Variants in LYPD6B observed in about 807,000 individuals in gnomAD.
LYPD6B encodes the protein ly6/PLAUR domain-containing protein 6B.
LYPD6B carries 17 observed loss-of-function variants against 22.8 expected under a neutral mutation model. That is an observed-to-expected ratio of 0.75 (90% CI 0.51 to 1.12). LYPD6B has a LOEUF of 1.12. Among genes scored for constraint, LYPD6B ranks in the 50% most tolerant of loss-of-function variants. LYPD6B has a pLI of 0.00. For missense variants in LYPD6B, 221 were observed against 258.3 expected, an observed-to-expected ratio of 0.86 and a Z score of 0.99; for synonymous variants, 106 against 91.6, an observed-to-expected ratio of 1.16 and a Z score of -0.90.
intron 3 of LYPD6B, among the ~76,000 whole-genome samples, chr2:149,202,910 G>A (rs1693261592): frequency 6.6e-6 from 1 of 152,170 alleles, no homozygotes; most frequent in Non-Finnish European, 1.5e-5. Context: ...ACAACCCTAT[G>A]AAATGGGTAT....
At chr2:149,071,429 G>T (rs1684597057) in intron 1 of LYPD6B, among the ~76,000 whole-genome samples, 1 of 152,136 alleles carries the variant, frequency 6.6e-6, no homozygotes, top group Non-Finnish European at 1.5e-5. Flanking sequence ...TTTGAAAGTT[G>T]AAATACTTTG....
chr2:149,075,152 C>T (rs1221540320), intron 1 of LYPD6B, among the ~76,000 whole-genome samples: 2 of 152,164 alleles, frequency 1.3e-5, no homozygotes, highest in Admixed American at 1.3e-4. Flanking sequence ...GCTCCATTAA[C>T]TTTATGCTTT....
Position 149,053,521 on chromosome 2 carries a change from A to G in LYPD6B, c.-67+14720A>G, listed in dbSNP as rs189221773. Reference sequence around the variant, plus strand: ...TCAAACCTCTCTTCCAAGAAGTTCTATCACTGAACATTTTCATCAATAGTA... The same window carrying G: ...TCAAACCTCTCTTCCAAGAAGTTCTGTCACTGAACATTTTCATCAATAGTA... On this transcript the variant is annotated intron_variant, in intron 1 of 6. Coordinates refer to ENST00000409642, the MANE Select transcript of LYPD6B (RefSeq NM_177964.5). Among the ~76,000 whole-genome samples the G allele has an allele frequency of 2.6e-5, 4 of 152,364 alleles. No individual in the cohort carries two copies. In the East Asian group the frequency reaches 7.7e-4, roughly 29 times the overall value.
intron 3 of LYPD6B, among the ~76,000 whole-genome samples, chr2:149,162,514 T>A (rs146128874): frequency 6.6e-6 from 1 of 152,174 alleles, no homozygotes; most frequent in Non-Finnish European, 1.5e-5. Context: ...CACCCCTGCT[T>A]GCATTCCCTT....
intron 4 of LYPD6B, among the ~76,000 whole-genome samples, chr2:149,207,464 G>A (rs1364663686): frequency 6.6e-6 from 1 of 151,816 alleles, no homozygotes. Flanking sequence ...ACACAGAAAT[G>A]TCAAATTATT....
At chr2:149,121,269 G>C (rs1253937838) in intron 1 of LYPD6B, among the ~76,000 whole-genome samples, 1 of 152,104 alleles carries the variant, frequency 6.6e-6, no homozygotes, top group Non-Finnish European at 1.5e-5. Context: ...ATTGTTTTCT[G>C]AAGCTAAATT....
chr2:149,187,503 C>A, intron 3 of LYPD6B: 1 of 1,506,128 alleles, frequency 6.6e-7, no homozygotes, highest in Non-Finnish European at 8.8e-7. Context: ...ATATTTTCAG[C>A]TGAATATTGG....
At chr2:149,184,169 A>G (rs564309293) in intron 3 of LYPD6B, among the ~76,000 whole-genome samples, 1 of 145,716 alleles carries the variant, frequency 6.9e-6, no homozygotes, top group African/African-American at 2.5e-5. Context: ...TCCAGCAACA[A>G]GAGTGAAACT....
chr2:149,067,316 A>G (rs1470487844), intron 1 of LYPD6B, among the ~76,000 whole-genome samples: 1 of 152,158 alleles, frequency 6.6e-6, no homozygotes, highest in Non-Finnish European at 1.5e-5. Context: ...TTTTATATTT[A>G]TTCATTATGA....
intron 3 of LYPD6B, among the ~76,000 whole-genome samples, chr2:149,199,005 C>A (rs1692997892): frequency 6.6e-6 from 1 of 152,164 alleles, no homozygotes; most frequent in African/African-American, 2.4e-5. Context: ...AGAACTCAAT[C>A]CTGTTGACCA....
At chr2:149,122,054 T>C (rs1687390477) in intron 1 of LYPD6B, among the ~76,000 whole-genome samples, 2 of 152,158 alleles carry the variant, frequency 1.3e-5, no homozygotes, top group South Asian at 4.1e-4. Flanking sequence ...GAAGTTTGTT[T>C]CAGTAGCAGC....
chr2:149,146,466 A>T (rs951490830), intron 2 of LYPD6B, among the ~76,000 whole-genome samples: 1 of 152,160 alleles, frequency 6.6e-6, no homozygotes, highest in Non-Finnish European at 1.5e-5. Flanking sequence ...CCAACAGAGG[A>T]TGAGGGAGAA....
intron 2 of LYPD6B, among the ~76,000 whole-genome samples, chr2:149,147,940 G>GTGTGTGTGTGTGTA (rs1171650654): frequency 1.3e-5 from 2 of 151,598 alleles, no homozygotes; most frequent in African/African-American, 4.8e-5. Context: ...GTGTGTGTGT[G>GTGTGTGTGTGTGTA]TATAGTCAGA....
chr2:149,119,410 C>T lies in LYPD6B; in HGVS notation c.-66-11473C>T, dbSNP rs142961379. 3.9e-4 allele frequency among the ~76,000 whole-genome samples: 59 copies of T among 152,308 alleles called. No individual in the cohort carries two copies. The East Asian group carries it at 5.8e-3, about 15-fold the overall frequency. ...TATGATATCATAATTGTCTTCCACA[C>T]GAAGACATTGTCTTTCTGACAACCA... On this transcript the variant is annotated intron_variant, in intron 1 of 6. Transcript: ENST00000409642.
At chr2:149,163,492 G>A (rs981575079) in intron 3 of LYPD6B, among the ~76,000 whole-genome samples, 4 of 152,184 alleles carry the variant, frequency 2.6e-5, no homozygotes, top group African/African-American at 9.6e-5. Flanking sequence ...GCTTGTGTAA[G>A]AACCTTTAGC....
intron 3 of LYPD6B, among the ~76,000 whole-genome samples, chr2:149,174,499 A>T (rs1329311682): frequency 6.6e-6 from 1 of 152,216 alleles, no homozygotes; most frequent in East Asian, 1.9e-4. Flanking sequence ...TTGCCCATTC[A>T]GTATGATATT....
chr2:149,138,438 G>A, intron 2 of LYPD6B, among the ~76,000 whole-genome samples: 1 of 152,210 alleles, frequency 6.6e-6, no homozygotes, highest in Admixed American at 6.5e-5. Context: ...CACATAAGCA[G>A]GTGCAGATGT....
intron 1 of LYPD6B, among the ~76,000 whole-genome samples, chr2:149,050,232 G>A (rs1235875148): frequency 2.0e-5 from 3 of 152,018 alleles, no homozygotes; most frequent in South Asian, 2.1e-4. Context: ...AGCAATCACC[G>A]ATAGTTACTG....
intron 3 of LYPD6B, among the ~76,000 whole-genome samples, chr2:149,199,511 G>A (rs561285722): frequency 2.0e-5 from 3 of 152,228 alleles, no homozygotes; most frequent in African/African-American, 7.2e-5. Context: ...TACTTTCAAG[G>A]TTTGGACAAG....
Sources: allele counts gnomAD v4.1 joint callset (sites outside exome capture counted in the v4.1 genomes callset), GRCh38; gene constraint gnomAD v4.1.1; transcripts MANE v1.5; gene names NCBI Gene and HGNC (gene_info 2026-07-23, HGNC 2026-07-21).